The following DIP2B variants were observed in gnomAD, a reference collection of about 807,000 sequenced individuals.
DIP2B encodes the protein disco-interacting protein 2 homolog B.
DIP2B carries 76 observed loss-of-function variants against 198.0 expected under a neutral mutation model. The observed-to-expected ratio is 0.38, with a 90% confidence interval of 0.32 to 0.46. The LOEUF is 0.46. Among genes scored for constraint, DIP2B ranks in the 20% least tolerant of loss-of-function variants. DIP2B has a pLI of 0.99. For missense variants in DIP2B, 1,559 were observed against 1,978.4 expected (o/e 0.79, Z 4.02); for synonymous variants, 701 against 739.1 (o/e 0.95, Z 0.84).
intron 1 of DIP2B, among the ~76,000 whole-genome samples, chr12:50,591,931 G>T (rs1222544583): frequency 1.3e-4 from 19 of 149,368 alleles, no homozygotes; most frequent in African/African-American, 4.4e-4. Context: ...AGGCTAGAGT[G>T]CAGTGGTGCG....
chr12:50,719,124 T>C, intron 25 of DIP2B, 89 bp downstream of exon 25: 1 of 1,379,104 alleles, frequency 7.3e-7, no homozygotes, highest in African/African-American at 1.4e-5. Flanking sequence ...TCAGAAAATT[T>C]CTGTTGCCAT....
At chr12:50,741,663 AGGAAATAG>A in intron 37 of DIP2B, 124 bp downstream of exon 37, 1 of 1,304,974 alleles carries the variant, frequency 7.7e-7, no homozygotes, top group South Asian at 1.5e-5. Context: ...GGGAGGAGTA[AGGAAATAG>A]ACTGATTCTT....
Position 50,695,864 on chromosome 12 carries a change from A to G in DIP2B, c.1830A>G (p.Val610=), listed in dbSNP as rs746176238. 9.3e-6 allele frequency: 15 copies of G among 1,613,922 alleles called. No individual in the cohort carries two copies. The South Asian group carries it at 1.4e-4, about 15-fold the overall frequency. The change falls in exon 16 of 38, where the codon GTA becomes GTG. Residue 610 remains valine, a synonymous_variant. Transcript: ENST00000301180. ...VHAHKAKVAL[V]KCRDLHWAMM... ...AATTTATAGCCAAGGTAGCTTTAGT[A>G]AAATGTCGGGACTTGCACTGGGCTA...
At chr12:50,505,737 C>T (rs893890823) in intron 1 of DIP2B, among the ~76,000 whole-genome samples, 1 of 152,134 alleles carries the variant, frequency 6.6e-6, no homozygotes, top group Non-Finnish European at 1.5e-5. Context: ...TGCGCGATGC[C>T]TCCCCAGTGA....
intron 26 of DIP2B, among the ~76,000 whole-genome samples, chr12:50,722,252 T>TA (rs760452385): frequency 2.5e-4 from 32 of 128,562 alleles, no homozygotes; most frequent in East Asian, 1.1e-3. Flanking sequence ...TTTGTTTGTT[T>TA]GTTTATTTTA....
chr12:50,529,895 G>T (rs949769029), intron 1 of DIP2B, among the ~76,000 whole-genome samples: 3 of 151,840 alleles, frequency 2.0e-5, no homozygotes, highest in African/African-American at 7.3e-5. Flanking sequence ...AAAGCTACAG[G>T]GTAAACATAG....
intron 1 of DIP2B, among the ~76,000 whole-genome samples, chr12:50,524,539 CCT>C (rs1166216903): frequency 6.6e-6 from 1 of 152,006 alleles, no homozygotes; most frequent in Non-Finnish European, 1.5e-5. Context: ...CTCCTCTCCA[CCT>C]GTCTCCCTGC....
At chr12:50,696,930 G>C in intron 16 of DIP2B, 131 bp from the exon 17 acceptor site, 1 of 636,514 alleles carries the variant, frequency 1.6e-6, no homozygotes, top group South Asian at 2.1e-5. Context: ...TAAAATATTT[G>C]CGTGGAATTA....
At chr12:50,594,606 G>A (rs1958862729) in intron 1 of DIP2B, among the ~76,000 whole-genome samples, 1 of 152,082 alleles carries the variant, frequency 6.6e-6, no homozygotes, top group African/African-American at 2.4e-5. Flanking sequence ...TATAGTTTAG[G>A]ACTTACATAA....
At chr12:50,620,881 C>T (rs1015115715) in intron 1 of DIP2B, among the ~76,000 whole-genome samples, 4 of 152,168 alleles carry the variant, frequency 2.6e-5, no homozygotes, top group Non-Finnish European at 1.5e-5. Flanking sequence ...ATTCAGTCTG[C>T]AGAACCATCC....
At chr12:50,701,375 G>GT (rs1258757015) in intron 19 of DIP2B, among the ~76,000 whole-genome samples, 4 of 151,428 alleles carry the variant, frequency 2.6e-5, no homozygotes, top group Admixed American at 6.6e-5. Context: ...TTTGTGGTTT[G>GT]TTTTTTTGTT....
intron 1 of DIP2B, among the ~76,000 whole-genome samples, chr12:50,572,826 T>C (rs1403658090): frequency 6.6e-6 from 1 of 152,198 alleles, no homozygotes; most frequent in East Asian, 1.9e-4. Context: ...TAACATTTAC[T>C]TCAGTAGATG....
intron 21 of DIP2B, among the ~76,000 whole-genome samples, chr12:50,707,733 G>A (rs1045889554): frequency 2.0e-5 from 3 of 152,004 alleles, no homozygotes; most frequent in South Asian, 2.1e-4. Flanking sequence ...GGTGGGGGTG[G>A]CCTGCCAGTT....
Position 50,660,206 on chromosome 12 carries a change from A to T in DIP2B, c.314A>T (p.Glu105Val). 1.2e-6 allele frequency: 2 copies of T among 1,608,640 alleles called. No homozygotes were observed. Among genetic ancestry groups the T allele is most frequent in the Non-Finnish European group, 1.7e-6 (2 of 1,177,664 alleles). ...DERYRSDIHT[E>V]AVQAALAKHK... ...TTTGCTTTTTCAGATATCCACACAG[A>T]AGCAGTTCAGGCTGCACTGGCAAAG... The change falls in exon 4 of 38, where the codon GAA (glutamate) becomes GTA (valine). Residue 105 changes from glutamate (E) to valine (V), a missense_variant. Transcript: ENST00000301180.
intron 2 of DIP2B, among the ~76,000 whole-genome samples, chr12:50,634,924 C>G (rs1938129462): frequency 6.6e-6 from 1 of 152,132 alleles, no homozygotes; most frequent in African/African-American, 2.4e-5. Flanking sequence ...GCAGGGCACT[C>G]TACACATTAT....
At chr12:50,734,976 C>A in intron 33 of DIP2B, 97 bp from the exon 34 acceptor site, 1 of 1,418,460 alleles carries the variant, frequency 7.0e-7, no homozygotes, top group Non-Finnish European at 9.9e-7. Flanking sequence ...GGAAGAGAGA[C>A]AAGTTAGAGG....
chr12:50,684,650 G>A (rs1170971245), intron 10 of DIP2B, among the ~76,000 whole-genome samples: 2 of 151,944 alleles, frequency 1.3e-5, no homozygotes, highest in African/African-American at 2.4e-5. Flanking sequence ...AAATTAGCCA[G>A]GTGTGATGGC....
chr12:50,562,633 T>G (rs1015842422), intron 1 of DIP2B, among the ~76,000 whole-genome samples: 2 of 151,404 alleles, frequency 1.3e-5, no homozygotes, highest in Admixed American at 1.3e-4. Context: ...CTGGAGAGGC[T>G]GAGATGGGAG....
Position 50,733,254 on chromosome 12 carries a change from CTTT to C in DIP2B, c.3981+733_3981+735del, listed in dbSNP as rs10538769. Among the ~76,000 whole-genome samples, 195 of 137,264 alleles carry C rather than the reference CTTT, an allele frequency of 1.4e-3. 1 individual carries two copies. Among genetic ancestry groups the C allele is most frequent in the East Asian group, 2.3e-3 (11 of 4,874 alleles). 90.1% of individuals were successfully genotyped at this position (137,264 alleles called of 152,430 possible). A position where few individuals can be genotyped will look rare whatever the true frequency, so the allele number is the denominator to read the frequency against. On this transcript the variant is annotated intron_variant, in intron 32 of 37. Transcript: ENST00000301180. ...ATATTCTATACCATTTTTTTTCTTT[CTTT>C]TTTTTTTTTTTTTTCCAAACAATAA...
Sources: allele counts gnomAD v4.1 joint callset (sites outside exome capture counted in the v4.1 genomes callset), GRCh38; gene constraint gnomAD v4.1.1; transcripts MANE v1.5; gene names NCBI Gene and HGNC (gene_info 2026-07-23, HGNC 2026-07-21).